The following EHBP1 variants were observed in gnomAD, a reference collection of about 807,000 sequenced individuals.
EHBP1 encodes the protein EH domain binding protein 1.
A neutral mutation model predicts 144.0 loss-of-function variants in EHBP1; 55 were observed. The observed-to-expected ratio is 0.38, with a 90% CI of 0.31 to 0.48. The LOEUF is 0.48. EHBP1 is among the 20% of genes least tolerant of loss of function. The pLI is 0.98. For missense variants in EHBP1, 1,200 were observed against 1,364.2 expected (o/e 0.88, Z 1.90); for synonymous variants, 469 against 472.7 (o/e 0.99, Z 0.10).
intron 10 of EHBP1, among the ~76,000 whole-genome samples, chr2:62,880,434 A>C (rs909948920): frequency 2.0e-5 from 3 of 152,084 alleles, no homozygotes; most frequent in African/African-American, 7.2e-5. Flanking sequence ...AAAAACAAAA[A>C]ACAAAAACTC....
At chr2:63,038,900 C>G in intron 21 of EHBP1, 84 bp downstream of exon 21, 1 of 1,329,802 alleles carries the variant, frequency 7.5e-7, no homozygotes, top group East Asian at 2.3e-5. Context: ...TCTGGTCTTA[C>G]TAGATCTGGT....
chr2:62,835,963 G>T (rs1174275966), intron 7 of EHBP1, among the ~76,000 whole-genome samples: 8 of 151,642 alleles, frequency 5.3e-5, no homozygotes, highest in South Asian at 4.2e-4. Flanking sequence ...AAAGCGGCCC[G>T]GAAGCTCGAA....
chr2:63,000,946 T>G (rs2059826109), intron 19 of EHBP1, among the ~76,000 whole-genome samples: 1 of 152,154 alleles, frequency 6.6e-6, no homozygotes, highest in African/African-American at 2.4e-5. Flanking sequence ...AAATATCATG[T>G]ATTCCAAGCT....
intron 10 of EHBP1, among the ~76,000 whole-genome samples, chr2:62,940,742 A>G (rs1032740650): frequency 1.3e-5 from 2 of 152,206 alleles, no homozygotes; most frequent in Non-Finnish European, 1.5e-5. Flanking sequence ...AGTTTCTTCA[A>G]TTGCATGTGA....
At chr2:62,723,276 A>G (rs901337478) in intron 2 of EHBP1, among the ~76,000 whole-genome samples, 1 of 151,812 alleles carries the variant, frequency 6.6e-6, no homozygotes, top group African/African-American at 2.4e-5. Flanking sequence ...TTTAAGGTCT[A>G]TTTTGTCTGA....
chr2:62,709,557 CAATTT>C (rs1474168907), intron 2 of EHBP1, among the ~76,000 whole-genome samples: 5 of 151,992 alleles, frequency 3.3e-5, no homozygotes, highest in Non-Finnish European at 7.4e-5. Flanking sequence ...TTTTAAATAA[CAATTT>C]AAGTTATTGC....
intron 3 of EHBP1, among the ~76,000 whole-genome samples, chr2:62,753,259 G>C (rs527290242): frequency 1.3e-5 from 2 of 152,102 alleles, no homozygotes; most frequent in Non-Finnish European, 2.9e-5. Context: ...CTTCACTTAT[G>C]AAGCTTAGTT....
At chr2:62,780,907 T>G (rs1408212320) in intron 5 of EHBP1, among the ~76,000 whole-genome samples, 1 of 112,992 alleles carries the variant, frequency 8.9e-6, no homozygotes, top group Non-Finnish European at 1.9e-5. Context: ...GTTCAGTATT[T>G]GGAGATTATT....
chr2:62,988,075 A>G, intron 15 of EHBP1: 2 of 1,181,162 alleles, frequency 1.7e-6, no homozygotes, highest in Non-Finnish European at 2.5e-6. Context: ...GTCCTGCTGC[A>G]TGGCAAACTT....
chr2:62,781,845 A>G (rs1380195769), intron 5 of EHBP1, among the ~76,000 whole-genome samples: 2 of 152,334 alleles, frequency 1.3e-5, no homozygotes, highest in Admixed American at 1.3e-4. Flanking sequence ...CTTAAAATAA[A>G]AATAAGCTAT....
At chr2:62,743,246 G>T in intron 2 of EHBP1, among the ~76,000 whole-genome samples, 1 of 150,776 alleles carries the variant, frequency 6.6e-6, no homozygotes, top group African/African-American at 2.4e-5. Flanking sequence ...TCTTTTTTTG[G>T]GCTTTACATT....
At chr2:62,913,823 G>T (rs1036974907) in intron 10 of EHBP1, among the ~76,000 whole-genome samples, 1 of 152,112 alleles carries the variant, frequency 6.6e-6, no homozygotes, top group Non-Finnish European at 1.5e-5. Flanking sequence ...GCTTTTACTT[G>T]TCGTCTAGTA....
At chr2:62,912,406 G>A (rs932460892) in intron 10 of EHBP1, among the ~76,000 whole-genome samples, 2 of 152,156 alleles carry the variant, frequency 1.3e-5, no homozygotes, top group South Asian at 2.1e-4. Context: ...ACAAAAATTA[G>A]CCAGGCATGG....
At chr2:62,796,827 T>G (rs903936880) in intron 5 of EHBP1, among the ~76,000 whole-genome samples, 1 of 134,856 alleles carries the variant, frequency 7.4e-6, no homozygotes, top group African/African-American at 3.0e-5. Context: ...GACTTCTGAC[T>G]TTTTTTTTTT....
chr2:62,816,741 A>G (rs913031194), intron 5 of EHBP1, among the ~76,000 whole-genome samples: 3 of 152,302 alleles, frequency 2.0e-5, no homozygotes, highest in South Asian at 4.1e-4. Flanking sequence ...TCCTAATTCT[A>G]TAATGTTTCT....
At chr2:62,962,154 A>G (rs2058033561) in intron 14 of EHBP1, among the ~76,000 whole-genome samples, 1 of 151,596 alleles carries the variant, frequency 6.6e-6, no homozygotes, top group Non-Finnish European at 1.5e-5. Flanking sequence ...GCGAAACCCC[A>G]TCTCTACCAA....
intron 3 of EHBP1, among the ~76,000 whole-genome samples, chr2:62,759,327 A>T (rs1375873623): frequency 2.0e-5 from 3 of 152,208 alleles, no homozygotes; most frequent in Non-Finnish European, 4.4e-5. Flanking sequence ...TACTTATTTT[A>T]TAGGGAAATC....
At chr2:62,804,366 A>G (rs1226433711) in intron 5 of EHBP1, among the ~76,000 whole-genome samples, 2 of 152,246 alleles carry the variant, frequency 1.3e-5, no homozygotes, top group Non-Finnish European at 2.9e-5. Context: ...TGGAAGGAGA[A>G]GATTGTTCAG....
At chr2:62,981,117 CCTATCATGCAG>C (rs932315183) in intron 15 of EHBP1, among the ~76,000 whole-genome samples, 3 of 151,000 alleles carry the variant, frequency 2.0e-5, no homozygotes, top group African/African-American at 7.3e-5. Context: ...CTTTTCGACT[CCTATCATGCAG>C]CTATCATGCA....
Sources: gnomAD v4.1 joint callset for allele counts (sites outside exome capture counted in the v4.1 genomes callset) on GRCh38, gnomAD v4.1.1 for gene constraint, MANE v1.5 for transcripts, NCBI Gene and HGNC (gene_info 2026-07-23, HGNC 2026-07-21) for gene names.